Variants in BICD1 observed in about 807,000 individuals in gnomAD.
BICD1 encodes the protein protein bicaudal D homolog 1.
BICD1 carries 35 observed loss-of-function variants against 92.5 expected under a neutral mutation model. The observed-to-expected ratio is 0.38, with a 90% CI of 0.29 to 0.50. The LOEUF is 0.50. Among genes scored for constraint, BICD1 ranks in the 20% least tolerant of loss-of-function variants. BICD1 has a pLI of 0.93. For synonymous variants in BICD1, 429 were observed against 465.1 expected, an observed-to-expected ratio of 0.92 and a Z score of 1.00; for missense variants, 950 against 1,189.8, an observed-to-expected ratio of 0.80 and a Z score of 2.97.
chr12:32,286,661 A>G (rs528238504), intron 2 of BICD1, among the ~76,000 whole-genome samples: 3 of 152,284 alleles, frequency 2.0e-5, no homozygotes, highest in Non-Finnish European at 4.4e-5. Flanking sequence ...TTCAAAGTGC[A>G]TTGTTCTCCC....
chr12:32,376,110 A>C (rs1054663334), intron 9 of BICD1, among the ~76,000 whole-genome samples: 7 of 137,916 alleles, frequency 5.1e-5, no homozygotes, highest in Non-Finnish European at 9.2e-5. Context: ...TTTGAGACGG[A>C]GTCTCGCCCT....
chr12:32,318,995 C>A lies in BICD1; in HGVS notation c.1006-8466C>A, dbSNP rs193254716. On this transcript the variant is annotated intron_variant, in intron 4 of 9. Coordinates refer to ENST00000652176, the MANE Select transcript of BICD1 (RefSeq NM_001714.4). ...CGTATATTGATTTTGTATCCTGCCACCTTGCTATACTTGCTTATTAGTCCT... is the reference window on the plus strand; with the variant it reads ...CGTATATTGATTTTGTATCCTGCCAACTTGCTATACTTGCTTATTAGTCCT... Among the ~76,000 whole-genome samples, 1,065 of 152,274 alleles carry A rather than the reference C, an allele frequency of 7.0e-3. 6 individuals carry two copies. The highest frequency in any genetic ancestry group is 0.017 in the Middle Eastern group (5 of 294).
rs1202354111 is a variant in BICD1 at position 32,230,427 on chromosome 12, TAAATAAATAAATAAATAAGC to T, written c.426+13971_426+13990del. ...ATAAATAAATAAATAAATAAATAAA[TAAATAAATAAATAAATAAGC>T]AAGCAAATAAATAAATAGGAATTCA... On this transcript the variant is annotated intron_variant, in intron 2 of 9. Transcript: ENST00000652176. Among the ~76,000 whole-genome samples, 372 of 74,484 alleles carry T rather than the reference TAAATAAATAAATAAATAAGC, an allele frequency of 5.0e-3. 1 individual carries two copies. The highest frequency in any genetic ancestry group is 0.028 in the Middle Eastern group (5 of 180). 48.9% of individuals were successfully genotyped at this position (74,484 alleles called of 152,430 possible).
chr12:32,237,042 T>G (rs1946094170), intron 2 of BICD1, among the ~76,000 whole-genome samples: 2 of 151,862 alleles, frequency 1.3e-5, no homozygotes, highest in Admixed American at 6.6e-5. Flanking sequence ...ACCCGGCTAA[T>G]TTTTTTGTAT....
intron 1 of BICD1, among the ~76,000 whole-genome samples, chr12:32,123,649 G>A (rs1475890937): frequency 6.6e-6 from 1 of 152,192 alleles, no homozygotes; most frequent in African/African-American, 2.4e-5. Flanking sequence ...GGCTGAGGCG[G>A]GCGGATCACC....
At chr12:32,201,211 C>T (rs2093629541) in intron 1 of BICD1, among the ~76,000 whole-genome samples, 1 of 152,176 alleles carries the variant, frequency 6.6e-6, no homozygotes, top group Non-Finnish European at 1.5e-5. Flanking sequence ...GAGCTTCCAG[C>T]TAGAATAATT....
chr12:32,124,514 C>T (rs1942261002), intron 1 of BICD1, among the ~76,000 whole-genome samples: 2 of 152,090 alleles, frequency 1.3e-5, no homozygotes, highest in Admixed American at 1.3e-4. Context: ...AATACAGTAT[C>T]TGACACATGA....
chr12:32,114,913 G>A (rs1941834038), intron 1 of BICD1, among the ~76,000 whole-genome samples: 1 of 152,174 alleles, frequency 6.6e-6, no homozygotes, highest in African/African-American at 2.4e-5. Flanking sequence ...ATGGGGGCTG[G>A]GAGCAACAGT....
At chr12:32,187,795 A>T (rs1467144578) in intron 1 of BICD1, among the ~76,000 whole-genome samples, 1 of 152,252 alleles carries the variant, frequency 6.6e-6, no homozygotes, top group Non-Finnish European at 1.5e-5. Flanking sequence ...TGGGTAAGGA[A>T]TTCAGCAGGA....
At chr12:32,120,883 GAGAGAGAGAGAGA>G (rs1184665973) in intron 1 of BICD1, among the ~76,000 whole-genome samples, 2 of 131,140 alleles carry the variant, frequency 1.5e-5, no homozygotes, top group African/African-American at 6.7e-5. Flanking sequence ...GAGAGAGAGA[GAGAGAGAGAGAGA>G]AAAAAAAAAG....
chr12:32,117,755 T>C (rs1342236916), intron 1 of BICD1, among the ~76,000 whole-genome samples: 2 of 118,670 alleles, frequency 1.7e-5, no homozygotes, highest in African/African-American at 6.2e-5. Context: ...TATATATATA[T>C]ATATTTTTTT....
intron 1 of BICD1, among the ~76,000 whole-genome samples, chr12:32,203,462 C>T (rs191983344): frequency 3.3e-5 from 5 of 152,204 alleles, no homozygotes; most frequent in East Asian, 1.9e-4. Flanking sequence ...CAGCAACAAC[C>T]GAAGCATACC....
intron 8 of BICD1, chr12:32,352,579 A>T (rs1385542639): frequency 1.3e-5 from 2 of 152,064 alleles, no homozygotes; most frequent in East Asian, 3.9e-4. Context: ...TGCTGCTCTG[A>T]TGCTGGTCAT....
At chr12:32,229,759 G>A (rs532303877) in intron 2 of BICD1, among the ~76,000 whole-genome samples, 80 of 152,314 alleles carry the variant, frequency 5.3e-4, no homozygotes, top group Non-Finnish European at 9.7e-4. Flanking sequence ...GCTAGGGGAC[G>A]AGATGGGCTC....
chr12:32,356,379 C>T (rs907640088), intron 8 of BICD1, among the ~76,000 whole-genome samples: 2 of 152,026 alleles, frequency 1.3e-5, no homozygotes, highest in Non-Finnish European at 2.9e-5. Flanking sequence ...GGGCCAGGCG[C>T]GGTGGCTCAT....
At chr12:32,176,815 T>C (rs1057209722) in intron 1 of BICD1, among the ~76,000 whole-genome samples, 3 of 152,172 alleles carry the variant, frequency 2.0e-5, no homozygotes, top group African/African-American at 7.2e-5. Flanking sequence ...TCCAGTTACC[T>C]GTTGATGGAC....
Position 32,328,367 on chromosome 12 carries a change from C to A in BICD1, c.1912C>A (p.His638Asn). The change falls in exon 5 of 10, where the codon CAT (histidine) becomes AAT (asparagine). Residue 638 changes from histidine (H) to asparagine (N), a missense_variant. Transcript: ENST00000652176. This position sits in a 1 kb window ranked among gnomAD's most constrained non-coding sequence, Gnocchi z 4.4. ...TGCCATAATCCGGGACCAAATCAAGCATCTGCAGAAAGCTGTGGACCGGTC... is the reference window on the plus strand; with the variant it reads ...TGCCATAATCCGGGACCAAATCAAGAATCTGCAGAAAGCTGTGGACCGGTC... ...LNAIIRDQIK[H>N]LQKAVDRSLQ... The A allele has an allele frequency of 6.2e-7, 1 of 1,614,234 alleles. No homozygotes were observed. Among genetic ancestry groups the A allele is most frequent in the Non-Finnish European group, 8.5e-7 (1 of 1,180,046 alleles).
At chr12:32,221,533 AT>A (rs1193532529) in intron 2 of BICD1, among the ~76,000 whole-genome samples, 1 of 151,522 alleles carries the variant, frequency 6.6e-6, no homozygotes, top group Non-Finnish European at 1.5e-5. Flanking sequence ...AATACAAAAA[AT>A]TTAGCTGGGT....
intron 2 of BICD1, among the ~76,000 whole-genome samples, chr12:32,247,086 G>A (rs2136096015): frequency 6.6e-6 from 1 of 151,898 alleles, no homozygotes; most frequent in South Asian, 2.1e-4. Flanking sequence ...GCAAAACCTT[G>A]TTTCTACAAA....
Sources: gnomAD v4.1 joint callset for allele counts (sites outside exome capture counted in the v4.1 genomes callset) on GRCh38, gnomAD v4.1.1 for gene constraint, Gnocchi (gnomAD v3.1) non-coding constraint, MANE v1.5 for transcripts, NCBI Gene and HGNC (gene_info 2026-07-23, HGNC 2026-07-21) for gene names.